The following CNMD variants were observed in gnomAD, a reference collection of about 807,000 sequenced individuals.
The protein encoded by CNMD is chondromodulin, also known as leukocyte cell-derived chemotaxin 1.
CNMD carries 30 observed loss-of-function variants against 37.5 expected under a neutral mutation model. The observed-to-expected ratio is 0.80, with a 90% confidence interval of 0.60 to 1.09. CNMD has a LOEUF of 1.09. Among genes scored for constraint, CNMD ranks in the 50% least tolerant of loss-of-function variants. The pLI is 0.00. For missense variants in CNMD, 398 were observed against 423.9 expected (o/e 0.94, Z 0.54); for synonymous variants, 167 against 148.2 (o/e 1.13, Z -0.92).
At chr13:52,730,917 G>T (rs560753439) in intron 3 of CNMD, among the ~76,000 whole-genome samples, 31 of 152,212 alleles carry the variant, frequency 2.0e-4, no homozygotes, top group Admixed American at 1.8e-3. Flanking sequence ...TGGACGAACC[G>T]GGGAGACTGT....
rs772198667 is a variant in CNMD at position 52,712,872 on chromosome 13, G to A, written c.469-3C>T. The A allele has an allele frequency of 1.3e-4, 194 of 1,547,584 alleles. No homozygotes were observed. Among genetic ancestry groups the A allele is most frequent in the Non-Finnish European group, 1.5e-4 (172 of 1,150,462 alleles). ...TTGACTGGCATGATCTTGCCTTCCT[G>A]AAAGTAAAAACGATTGCATTTGAGC... On this transcript the variant is annotated splice_polypyrimidine_tract_variant and splice_region_variant and intron_variant, in intron 4 of 6. Transcript: ENST00000377962.
At chr13:52,716,756 T>C (rs1431485562) in intron 4 of CNMD, among the ~76,000 whole-genome samples, 1 of 152,176 alleles carries the variant, frequency 6.6e-6, no homozygotes, top group Non-Finnish European at 1.5e-5. Flanking sequence ...TATAGCCTTG[T>C]AGTATAGTTT....
chr13:52,709,469 G>C (rs1449107156), intron 5 of CNMD, among the ~76,000 whole-genome samples: 1 of 152,158 alleles, frequency 6.6e-6, no homozygotes, highest in Admixed American at 6.5e-5. Context: ...AGTTTGCAAG[G>C]GAAATATCTT....
intron 4 of CNMD, among the ~76,000 whole-genome samples, chr13:52,714,519 T>C (rs866568395): frequency 1.3e-5 from 2 of 152,134 alleles, no homozygotes; most frequent in Non-Finnish European, 2.9e-5. Flanking sequence ...AAGATTTAAA[T>C]ATAAAAGCAT....
At chr13:52,718,699 C>T (rs1299151276) in intron 4 of CNMD, among the ~76,000 whole-genome samples, 1 of 152,146 alleles carries the variant, frequency 6.6e-6, no homozygotes, top group Non-Finnish European at 1.5e-5. Flanking sequence ...GTACTGTGGT[C>T]TGAGAGACTG....
chr13:52,714,886 T>C (rs1046747715), intron 4 of CNMD, among the ~76,000 whole-genome samples: 2 of 152,218 alleles, frequency 1.3e-5, no homozygotes, highest in African/African-American at 4.8e-5. Context: ...TGTCCCAGTA[T>C]TGAACCATTT....
chr13:52,727,347 T>C (rs1367789487), intron 3 of CNMD, among the ~76,000 whole-genome samples: 1 of 150,996 alleles, frequency 6.6e-6, no homozygotes, highest in Non-Finnish European at 1.5e-5. Context: ...AATAACCCAG[T>C]CAGACAAAAA....
At chr13:52,715,269 C>T (rs1415267778) in intron 4 of CNMD, among the ~76,000 whole-genome samples, 1 of 151,784 alleles carries the variant, frequency 6.6e-6, no homozygotes, top group Non-Finnish European at 1.5e-5. Context: ...ATTTTTGTAC[C>T]CATTACCATC....
chr13:52,720,691 G>T (rs1964467507), intron 4 of CNMD, among the ~76,000 whole-genome samples: 1 of 152,110 alleles, frequency 6.6e-6, no homozygotes, highest in Non-Finnish European at 1.5e-5. Context: ...GTCCCAGAGG[G>T]GCACCCATCA....
chr13:52,724,765 C>T (rs909470375), intron 3 of CNMD, among the ~76,000 whole-genome samples: 17 of 152,028 alleles, frequency 1.1e-4, no homozygotes, highest in Admixed American at 1.3e-4. Flanking sequence ...GGTGTGGTAG[C>T]GGGCTCCTGT....
Position 52,712,773 on chromosome 13 carries a change from C to T in CNMD, c.565G>A (p.Val189Met), listed in dbSNP as rs1377273917. 5 of 1,590,646 alleles carry T rather than the reference C, an allele frequency of 3.1e-6. No individual in the cohort carries two copies. The highest frequency in any genetic ancestry group is 1.7e-4 in the Middle Eastern group (1 of 6,006). The change falls in exon 5 of 7, where the codon GTG (valine) becomes ATG (methionine). Residue 189 changes from valine (V) to methionine (M), a missense_variant. Physicochemically the swap from Val to Met is conservative, Grantham distance 21 (BLOSUM62 1). Coordinates refer to ENST00000377962, the MANE Select transcript of CNMD (RefSeq NM_007015.3). ...GGAAGGTCACCGCAGAGTTCTAACA[C>T]CTTAGAACTCAAGAAGCTGTTGTCC... Reference protein sequence around the residue: ...VKDNSFLSSKVLELCGDLPIF... With the variant: ...VKDNSFLSSKMLELCGDLPIF...
intron 4 of CNMD, among the ~76,000 whole-genome samples, chr13:52,717,643 T>C (rs969399809): frequency 3.9e-5 from 6 of 152,190 alleles, no homozygotes; most frequent in African/African-American, 1.4e-4. Flanking sequence ...ATGGATTATG[T>C]TGATTGATTT....
At chr13:52,731,947 C>G (rs2138271622) in intron 3 of CNMD, among the ~76,000 whole-genome samples, 1 of 152,318 alleles carries the variant, frequency 6.6e-6, no homozygotes, top group South Asian at 2.1e-4. Context: ...AAAGCTATGA[C>G]TAAACAAAGT....
intron 3 of CNMD, among the ~76,000 whole-genome samples, chr13:52,731,831 T>C (rs1415092062): frequency 6.6e-6 from 1 of 152,178 alleles, no homozygotes; most frequent in Non-Finnish European, 1.5e-5. Flanking sequence ...TAGCTTATAT[T>C]GAGTAGTACA....
At chr13:52,706,947 G>A (rs1469056257) in intron 6 of CNMD, among the ~76,000 whole-genome samples, 2 of 152,248 alleles carry the variant, frequency 1.3e-5, no homozygotes, top group Middle Eastern at 3.4e-3. Flanking sequence ...ATGCTGGAGT[G>A]CAATGGCGTG....
At chr13:52,721,002 G>A (rs1323390252) in intron 4 of CNMD, among the ~76,000 whole-genome samples, 1 of 152,198 alleles carries the variant, frequency 6.6e-6, no homozygotes, top group Non-Finnish European at 1.5e-5. Flanking sequence ...GCCCTGCCTG[G>A]AGAGGAGGAA....
chr13:52,717,266 T>C (rs762706668), intron 4 of CNMD, among the ~76,000 whole-genome samples: 28 of 152,194 alleles, frequency 1.8e-4, no homozygotes, highest in Non-Finnish European at 3.5e-4. Flanking sequence ...GTTTTCTAAA[T>C]GTACAATCAT....
chr13:52,713,893 AG>A (rs1964329538), intron 4 of CNMD, among the ~76,000 whole-genome samples: 1 of 152,192 alleles, frequency 6.6e-6, no homozygotes, highest in Non-Finnish European at 1.5e-5. Flanking sequence ...ATAAATCTTG[AG>A]GCATGTACTT....
intron 3 of CNMD, among the ~76,000 whole-genome samples, chr13:52,730,225 T>C (rs572418172): frequency 6.6e-6 from 1 of 152,062 alleles, no homozygotes; most frequent in African/African-American, 2.4e-5. Flanking sequence ...TCTATCATTG[T>C]TGGACATTTG....
Sources: gnomAD v4.1 joint callset for allele counts (sites outside exome capture counted in the v4.1 genomes callset) on GRCh38, gnomAD v4.1.1 for gene constraint, MANE v1.5 for transcripts, NCBI Gene and HGNC (gene_info 2026-07-23, HGNC 2026-07-21) for gene names.